Variants in LDLRAD4 observed in about 807,000 individuals in gnomAD.
LDLRAD4 encodes low density lipoprotein receptor class A domain containing 4.
Under a neutral mutation model 17.0 loss-of-function variants are expected in LDLRAD4, and 5 were observed. The ratio of observed to expected loss-of-function variants is 0.29; its 90% CI spans 0.15 to 0.62. LDLRAD4 has a LOEUF of 0.62. Ranked by LOEUF, LDLRAD4 falls within the 20% of genes least tolerant of loss-of-function variation. The probability of loss-of-function intolerance (pLI) is 0.84; values close to 1 mark genes in which losing one functional copy is unlikely to be tolerated. For missense variants in LDLRAD4, 340 were observed against 424.7 expected (o/e 0.80, Z 1.75); for synonymous variants, 168 against 171.8 (o/e 0.98, Z 0.17).
intron 1 of LDLRAD4, among the ~76,000 whole-genome samples, chr18:13,332,376 C>T (rs1032625023): frequency 1.3e-5 from 2 of 152,164 alleles, no homozygotes; most frequent in African/African-American, 2.4e-5. Context: ...CACAGTGGTA[C>T]ATTTGTTACA....
At position 13,497,350 on chromosome 18, in the gene LDLRAD4, T is replaced by TG. The variant is rs1171664297; in HGVS notation, c.181+58967dup. 5.7e-5 allele frequency among the ~76,000 whole-genome samples: 6 copies of TG among 105,482 alleles called. No individual in the cohort carries two copies. The South Asian group carries it at 2.3e-3, about 41-fold the overall frequency. 69.2% of individuals were successfully genotyped at this position (105,482 alleles called of 152,430 possible). ...TGCCACCATGCCTAGCTAATTTGTTTGTTTTTTTTGTAGAGACAAGGTCTC... is the reference window on the plus strand; with the variant it reads ...TGCCACCATGCCTAGCTAATTTGTTTGGTTTTTTTTGTAGAGACAAGGTCTC... On this transcript the variant is annotated intron_variant, in intron 3 of 5. Transcript: ENST00000359446.
At chr18:13,628,657 G>A (rs774656505) in intron 4 of LDLRAD4, among the ~76,000 whole-genome samples, 8 of 152,190 alleles carry the variant, frequency 5.3e-5, no homozygotes, top group Non-Finnish European at 1.0e-4. Context: ...GAGGCCAAGC[G>A]GCCCGGCAGA....
At chr18:13,618,659 G>A (rs2040305529) in intron 3 of LDLRAD4, among the ~76,000 whole-genome samples, 1 of 152,158 alleles carries the variant, frequency 6.6e-6, no homozygotes, top group Non-Finnish European at 1.5e-5. Flanking sequence ...AAGTTCTCTT[G>A]TAAAGAAAAC....
rs2040755650 is a variant in LDLRAD4 at position 13,622,609 on chromosome 18, C to T, written c.336+1338C>T. ...GGTCCTTTGTCTGGTGTCCACAGAG[C>T]TGCGCCATCCAGACGCACTGAACAC... is the stretch of plus-strand genomic sequence containing the variant. On this transcript the variant is annotated intron_variant, in intron 4 of 5. Coordinates refer to ENST00000359446, the Ensembl canonical transcript of LDLRAD4. This position sits in a 1 kb window ranked among gnomAD's most constrained non-coding sequence, Gnocchi z 5.3. Among the ~76,000 whole-genome samples the T allele has an allele frequency of 6.6e-6, 1 of 152,210 alleles. No individual in the cohort carries two copies. Among genetic ancestry groups the T allele is most frequent in the Non-Finnish European group, 1.5e-5 (1 of 68,040 alleles).
At chr18:13,340,797 T>C (rs1277998123) in intron 1 of LDLRAD4, among the ~76,000 whole-genome samples, 1 of 152,172 alleles carries the variant, frequency 6.6e-6, no homozygotes, top group East Asian at 1.9e-4. Context: ...TCAAAGAAAT[T>C]GTTGCCATAT....
exon 2 of LDLRAD4, chr18:13,387,394 A>G (rs1599848709): frequency 7.3e-6 from 2 of 273,916 alleles, no homozygotes; most frequent in East Asian, 1.9e-4. Flanking sequence ...ACCCGCGTGC[A>G]GGTGCGACCC....
intron 3 of LDLRAD4, among the ~76,000 whole-genome samples, chr18:13,468,360 G>A (rs1260815102): frequency 6.6e-6 from 1 of 152,192 alleles, no homozygotes. Context: ...ACAGGTGCTG[G>A]AGAGGATGTG....
At chr18:13,594,051 TAC>T (rs562649759) in intron 3 of LDLRAD4, among the ~76,000 whole-genome samples, 83 of 151,952 alleles carry the variant, frequency 5.5e-4, no homozygotes, top group African/African-American at 1.7e-3. Context: ...CATATATTCA[TAC>T]ACACACACAC....
intron 2 of LDLRAD4, among the ~76,000 whole-genome samples, chr18:13,402,810 T>C (rs1025004734): frequency 3.3e-5 from 5 of 152,242 alleles, no homozygotes; most frequent in Admixed American, 6.5e-5. Context: ...CTAACAGTTT[T>C]GTCTCGAGAT....
intron 1 of LDLRAD4, among the ~76,000 whole-genome samples, chr18:13,321,171 C>T (rs1320511913): frequency 6.6e-6 from 1 of 152,168 alleles, no homozygotes; most frequent in Non-Finnish European, 1.5e-5. Context: ...GCCCAGCAGA[C>T]AGGCTGCCTG....
At position 13,318,687 on chromosome 18, in the gene LDLRAD4, CG is replaced by C. The variant is rs889090748; in HGVS notation, c.-383+40503del. 1.8e-4 allele frequency among the ~76,000 whole-genome samples: 28 copies of C among 152,236 alleles called. 1 individual carries two copies. The East Asian group carries it at 3.1e-3, about 17-fold the overall frequency. On this transcript the variant is annotated intron_variant, in intron 1 of 5. Coordinates refer to ENST00000359446, the Ensembl canonical transcript of LDLRAD4. ...GCTCTTAATGTGCCGCTAGGCATTC[CG>C]GGGATTTCAAAGCCAGTGGACGGGA...
chr18:13,452,217 T>C (rs2146398204), intron 3 of LDLRAD4, among the ~76,000 whole-genome samples: 1 of 151,900 alleles, frequency 6.6e-6, no homozygotes, highest in Admixed American at 6.5e-5. Context: ...CAGCAGGAGA[T>C]GAATAGGGAG....
At chr18:13,489,779 T>G (rs534748435) in intron 3 of LDLRAD4, 31 of 152,308 alleles carry the variant, frequency 2.0e-4, no homozygotes, top group African/African-American at 7.2e-4. Flanking sequence ...GTTACATTCC[T>G]AGGTGTGGAA....
chr18:13,314,023 A>G (rs1421116393), intron 1 of LDLRAD4, among the ~76,000 whole-genome samples: 1 of 152,202 alleles, frequency 6.6e-6, no homozygotes, highest in Non-Finnish European at 1.5e-5. Context: ...ATCTCAGCAC[A>G]TGCCTTACTG....
intron 3 of LDLRAD4, chr18:13,543,035 GAGC>G (rs1372203366): frequency 1.3e-5 from 2 of 152,226 alleles, no homozygotes; most frequent in Admixed American, 1.3e-4. Context: ...TTTACACCTG[GAGC>G]AGCCAGAGGA....
rs192752031 is a variant in LDLRAD4 at position 13,541,751 on chromosome 18, G to A, written c.182-79366G>A. ...TGGTGTGAGGAGTTTAGCACACTGA[G>A]AGTAATATATGAAAAAGACCGCCAG... On this transcript the variant is annotated intron_variant, in intron 3 of 5. Coordinates refer to ENST00000359446, the Ensembl canonical transcript of LDLRAD4. 2.0e-5 allele frequency among the ~76,000 whole-genome samples: 3 copies of A among 152,340 alleles called. No homozygotes were observed. In the East Asian group the frequency reaches 5.8e-4, roughly 29 times the overall value.
chr18:13,248,627 TA>T, intron 1 of LDLRAD4, among the ~76,000 whole-genome samples: 1 of 152,382 alleles, frequency 6.6e-6, no homozygotes, highest in African/African-American at 2.4e-5. Flanking sequence ...TGAAGTATTT[TA>T]TTTTAAAAAT....
upstream of LDLRAD4, among the ~76,000 whole-genome samples, chr18:13,274,579 C>T (rs751459272): frequency 2.6e-5 from 4 of 152,114 alleles, no homozygotes; most frequent in Non-Finnish European, 5.9e-5. Flanking sequence ...ACGATGATCA[C>T]GTTTGCTGAG....
At chr18:13,565,974 G>A (rs571384816) in intron 3 of LDLRAD4, among the ~76,000 whole-genome samples, 2 of 152,292 alleles carry the variant, frequency 1.3e-5, no homozygotes, top group East Asian at 3.9e-4. Flanking sequence ...TCCAAGGCAC[G>A]CCATTCGTCC....
Sources: allele counts gnomAD v4.1 joint callset (sites outside exome capture counted in the v4.1 genomes callset), GRCh38; gene constraint gnomAD v4.1.1; non-coding constraint Gnocchi (gnomAD v3.1); transcripts MANE v1.5; gene names NCBI Gene and HGNC (gene_info 2026-07-23, HGNC 2026-07-21).